The following AGT variants were observed in gnomAD, a reference collection of about 807,000 sequenced individuals.
The protein encoded by AGT is alpha-1 antiproteinase, antitrypsin.
Under a neutral mutation model 28.1 loss-of-function variants are expected in AGT, and 26 were observed. That is an observed-to-expected ratio of 0.92 (90% confidence interval 0.68 to 1.28). The LOEUF (loss-of-function observed/expected upper bound fraction) is 1.28. AGT is among the 50% of genes most tolerant of loss of function. The pLI is 0.00. For missense variants in AGT, 596 were observed against 592.3 expected (o/e 1.01, Z -0.06); for synonymous variants, 259 against 259.6 (o/e 1.00, Z 0.02).
At chr1:230,742,594 C>G (rs920474933) in intron 1 of AGT, among the ~76,000 whole-genome samples, 1 of 152,144 alleles carries the variant, frequency 6.6e-6, no homozygotes, top group Non-Finnish European at 1.5e-5. Context: ...GGATTACAGG[C>G]GTGAGCCACT....
At chr1:230,725,297 G>A (rs1481908235) in intron 1 of AGT, among the ~76,000 whole-genome samples, 3 of 152,150 alleles carry the variant, frequency 2.0e-5, no homozygotes, top group African/African-American at 4.8e-5. Context: ...GACGGGGGAT[G>A]CATCCCTAGT....
intron 1 of AGT, among the ~76,000 whole-genome samples, chr1:230,721,089 G>A (rs2493139): frequency 0.051 from 7,799 of 152,316 alleles, 256 homozygotes; most frequent in Middle Eastern, 0.14. Flanking sequence ...CAAAGGGACC[G>A]AGAAAAATCC....
upstream of AGT, among the ~76,000 whole-genome samples, chr1:230,718,454 C>A (rs1293116664): frequency 6.6e-6 from 1 of 151,930 alleles, no homozygotes; most frequent in Non-Finnish European, 1.5e-5. Context: ...AAGTATAGTC[C>A]TCATGTTGTA....
Position 230,703,348 on chromosome 1 carries a change from C to T in AGT, c.1243-19G>A. 6.2e-7 allele frequency: 1 copy of T among 1,614,122 alleles called. No individual in the cohort carries two copies. Among genetic ancestry groups the T allele is most frequent in the Non-Finnish European group, 8.5e-7 (1 of 1,179,988 alleles). ...TCAGCACCTGCAAAGCAGCAGACAT[C>T]AGGATCATTCTGAGGGCGCACTGGG... On this transcript the variant is annotated intron_variant, in intron 4 of 4. Coordinates refer to ENST00000366667, the MANE Select transcript of AGT (RefSeq NM_001384479.1).
intron 1 of AGT, among the ~76,000 whole-genome samples, chr1:230,732,023 G>C (rs1664078891): frequency 6.6e-6 from 1 of 152,074 alleles, no homozygotes; most frequent in South Asian, 2.1e-4. Context: ...ATGACCCCCA[G>C]AGAAGAGCCC....
Position 230,703,107 on chromosome 1 carries a change from G to A in AGT, c.*34C>T. 1 of 1,609,602 alleles carries A rather than the reference G, an allele frequency of 6.2e-7. No individual in the cohort carries two copies. The highest frequency in any genetic ancestry group is 8.5e-7 in the Non-Finnish European group (1 of 1,177,524). On this transcript the variant is annotated 3_prime_UTR_variant, in exon 5 of 5. Coordinates refer to ENST00000366667, the MANE Select transcript of AGT (RefSeq NM_001384479.1). ...TTTGCCTCAAAGGCCAGGGGCAGAGGCCTTGCCAGGCACTGTGTTCTGGGG... is the reference window on the plus strand; with the variant it reads ...TTTGCCTCAAAGGCCAGGGGCAGAGACCTTGCCAGGCACTGTGTTCTGGGG...
At chr1:230,729,769 C>G (rs1664016450) in intron 1 of AGT, among the ~76,000 whole-genome samples, 1 of 138,638 alleles carries the variant, frequency 7.2e-6, no homozygotes, top group South Asian at 2.5e-4. Context: ...GTAGTGTTGT[C>G]AAGTTCTCTT....
rs370412389 is a variant in AGT, at chr1:230,706,181, G to A, written c.849C>T (p.Ser283=). 8.7e-5 allele frequency: 141 copies of A among 1,613,540 alleles called. No individual in the cohort carries two copies. Among genetic ancestry groups the A allele is most frequent in the Non-Finnish European group, 1.1e-4 (132 of 1,179,694 alleles). Residue 283 remains serine (S), a synonymous_variant, in exon 3 of 5, where the codon TCC becomes TCT. Transcript: ENST00000366667. ...VHFQGKMKGF[S]LLAEPQEFWV... is the part of the protein sequence containing the mutation. The stretch of plus-strand genomic sequence containing the variant: ...AGAACTCCTGGGGCTCGGCCAGCAG[G>A]GAGAAGCCCTTCATCTTCCCTGAAA...
chr1:230,710,434 G>C lies in AGT; in HGVS notation c.390C>G (p.Val130=), dbSNP rs760098220. The change falls in exon 2 of 5, where the codon GTC becomes GTG. Residue 130 remains valine, a synonymous_variant. Transcript: ENST00000366667. ...HGATVLSPTA[V]FGTLASLYLG... ...GATAGAGAGAGGCCAGGGTGCCAAA[G>C]ACAGCCGTTGGGGAGAGGACGGTGG... The C allele has an allele frequency of 4.3e-6, 7 of 1,614,246 alleles. No individual in the cohort carries two copies. The highest frequency in any genetic ancestry group is 1.6e-4 in the Middle Eastern group (1 of 6,062).
At chr1:230,744,806 T>G (rs1343997772) in intron 1 of AGT, among the ~76,000 whole-genome samples, 1 of 152,176 alleles carries the variant, frequency 6.6e-6, no homozygotes, top group Non-Finnish European at 1.5e-5. Context: ...GTGGGTCTGG[T>G]GCTGAGCAAA....
chr1:230,742,033 G>C (rs1664256436), intron 1 of AGT, among the ~76,000 whole-genome samples: 1 of 152,070 alleles, frequency 6.6e-6, no homozygotes, highest in Non-Finnish European at 1.5e-5. Flanking sequence ...TCCAGCCTGA[G>C]TGACAGAGCA....
At chr1:230,732,833 G>C (rs1442990953) in intron 1 of AGT, among the ~76,000 whole-genome samples, 1 of 152,202 alleles carries the variant, frequency 6.6e-6, no homozygotes, top group Non-Finnish European at 1.5e-5. Context: ...GGCAGAGGTG[G>C]AAGAAAATCC....
At chr1:230,714,829 T>A (rs1374000920), upstream of AGT, among the ~76,000 whole-genome samples, 1 of 152,200 alleles carries the variant, frequency 6.6e-6, no homozygotes, top group East Asian at 1.9e-4. Context: ...AAATGGTAAG[T>A]TTCACATGAC....
intron 1 of AGT, among the ~76,000 whole-genome samples, chr1:230,719,598 G>A (rs897224256): frequency 6.6e-5 from 10 of 151,802 alleles, no homozygotes; most frequent in African/African-American, 1.7e-4. Context: ...TAGTAGAGAC[G>A]GGGTTTCACC....
intron 1 of AGT, among the ~76,000 whole-genome samples, chr1:230,711,816 T>TAAAAAAAA (rs58359338): frequency 7.3e-6 from 1 of 136,278 alleles, no homozygotes; most frequent in Non-Finnish European, 1.7e-5. Context: ...GGACCACGTA[T>TAAAAAAAA]AAAAAAAAAA....
At chr1:230,734,190 G>A (rs1468054389) in intron 1 of AGT, among the ~76,000 whole-genome samples, 15 of 152,098 alleles carry the variant, frequency 9.9e-5, no homozygotes, top group Non-Finnish European at 1.8e-4. Flanking sequence ...ATATCCATAC[G>A]ATGGAATATT....
intron 1 of AGT, among the ~76,000 whole-genome samples, chr1:230,730,224 T>TTTTTG (rs1434517966): frequency 3.3e-5 from 5 of 151,706 alleles, no homozygotes; most frequent in South Asian, 2.1e-4. Flanking sequence ...CCCGGCTATT[T>TTTTTG]TTTTGTTTTG....
At chr1:230,738,669 T>C (rs1266692579) in intron 1 of AGT, among the ~76,000 whole-genome samples, 3 of 152,168 alleles carry the variant, frequency 2.0e-5, no homozygotes, top group Admixed American at 6.5e-5. Flanking sequence ...GGAGGATACG[T>C]CATTTATAAG....
At chr1:230,722,992 G>A (rs1350246758) in intron 1 of AGT, among the ~76,000 whole-genome samples, 11 of 152,154 alleles carry the variant, frequency 7.2e-5, no homozygotes, top group Admixed American at 1.3e-4. Flanking sequence ...ATTTCATCTC[G>A]AATTGTAATC....
Sources: gnomAD v4.1 joint callset for allele counts (sites outside exome capture counted in the v4.1 genomes callset) on GRCh38, gnomAD v4.1.1 for gene constraint, MANE v1.5 for transcripts, NCBI Gene and HGNC (gene_info 2026-07-23, HGNC 2026-07-21) for gene names.